The following FAT1 variants were observed in gnomAD, a reference collection of about 807,000 sequenced individuals.
FAT1 encodes FAT atypical cadherin 1, also known as protocadherin Fat 1.
In FAT1, 171 loss-of-function variants were observed where a neutral mutation model predicts 329.8. That is an observed-to-expected ratio of 0.52 (90% CI 0.46 to 0.59). FAT1 has a LOEUF of 0.59. FAT1 is among the 20% of genes least tolerant of loss of function. The pLI is 0.00. For synonymous variants in FAT1, 2,233 were observed against 2,228.6 expected (o/e 1.00, Z -0.06); for missense variants, 5,672 against 5,774.4 (o/e 0.98, Z 0.57).
rs1738082875 is a variant in FAT1, at chr4:186,588,783, G to A, written c.13576C>T (p.His4526Tyr). 1.2e-6 allele frequency: 2 copies of A among 1,614,062 alleles called. No homozygotes were observed. The highest frequency in any genetic ancestry group is 1.3e-5 in the African/African-American group (1 of 75,058). ...HAPYPPGYQRHFEAPAVESMP... is the reference protein window; with the variant it reads ...HAPYPPGYQRYFEAPAVESMP... ...CTCTCGACAGCGGGCGCCTCGAAGT[G>A]TCTTTGATACCCTGGCGGGTAAGGG... Residue 4526 changes from histidine (H) to tyrosine (Y), a missense_variant, in exon 27 of 27, where the codon CAC (histidine) becomes TAC (tyrosine). Physicochemically the swap from His to Tyr is moderately conservative, Grantham distance 83. Transcript: ENST00000441802.
intron 2 of FAT1, among the ~76,000 whole-genome samples, chr4:186,694,354 A>G (rs975486157): frequency 6.6e-5 from 10 of 152,224 alleles, no homozygotes; most frequent in Non-Finnish European, 8.8e-5. Context: ...CATCCTAAAG[A>G]GTTACTTTTA....
upstream of FAT1, among the ~76,000 whole-genome samples, chr4:186,724,101 G>C (rs1472488259): frequency 2.7e-5 from 4 of 147,976 alleles, no homozygotes; most frequent in African/African-American, 7.6e-5. This position sits in a 1 kb window ranked among gnomAD's most constrained non-coding sequence, Gnocchi z 5.3. Context: ...TTGTGATGCC[G>C]AGGTTAGTTA....
Position 186,601,296 on chromosome 4 carries a change from A to C in FAT1, c.11613T>G (p.Ala3871=), listed in dbSNP as rs757101754. The C allele has an allele frequency of 7.5e-6, 12 of 1,607,924 alleles. No individual in the cohort carries two copies. In the Admixed American group the frequency reaches 2.0e-4, roughly 27 times the overall value. ...CCAAGATGCTATAGTCAGTTCCTCGAGCATACATGACAACCGCATGCGTGG... is the reference window on the plus strand; with the variant it reads ...CCAAGATGCTATAGTCAGTTCCTCGCGCATACATGACAACCGCATGCGTGG... The part of the protein sequence containing the change: ...TYSTHAVVMY[A]RGTDYSILEI... The change falls in exon 21 of 27, where the codon GCT becomes GCG. Residue 3871 remains alanine (A), a synonymous_variant. Coordinates refer to ENST00000441802, the MANE Select transcript of FAT1 (RefSeq NM_005245.4).
chr4:186,666,339 G>A (rs528611456), intron 2 of FAT1, among the ~76,000 whole-genome samples: 128 of 152,272 alleles, frequency 8.4e-4, no homozygotes, highest in African/African-American at 3.0e-3. Context: ...CAACTGGTCT[G>A]CTAAATTAGC....
At chr4:186,638,442 G>C (rs1468675494) in intron 4 of FAT1, among the ~76,000 whole-genome samples, 1 of 152,048 alleles carries the variant, frequency 6.6e-6, no homozygotes, top group East Asian at 1.9e-4. Context: ...GTCAATCCTT[G>C]TAGTGACAGA....
Position 186,621,479 on chromosome 4 carries a change from C to G in FAT1, c.5107G>C (p.Asp1703His). Residue 1703 changes from aspartate (D) to histidine (H), a missense_variant, in exon 10 of 27, where the codon GAT (aspartate) becomes CAT (histidine). Physicochemically the swap from Asp to His is moderately conservative, Grantham distance 81. Around this residue, in one of 2 missense-constraint regions of FAT1, gnomAD observed 3,966 missense variants for 3,915.2 expected, o/e 1.01. Coordinates refer to ENST00000441802, the MANE Select transcript of FAT1 (RefSeq NM_005245.4). Reference sequence around the variant, plus strand: ...TCAAAAGCATCACCTGTATTTCCATCTTTTATTTCATACACCACTGATGAT... The same window carrying G: ...TCAAAAGCATCACCTGTATTTCCATGTTTTATTTCATACACCACTGATGAT... ...SQSSVVYEIK[D>H]GNTGDAFDIN... 6.2e-7 allele frequency: 1 copy of G among 1,614,040 alleles called. No individual in the cohort carries two copies. Among genetic ancestry groups the G allele is most frequent in the Non-Finnish European group, 8.5e-7 (1 of 1,179,902 alleles).
At position 186,709,089 on chromosome 4, in the gene FAT1, T is replaced by C. The variant is rs776171024; in HGVS notation, c.739A>G (p.Ile247Val). The change falls in exon 2 of 27, where the codon ATC (isoleucine) becomes GTC (valine). Residue 247 changes from isoleucine (I) to valine (V), a missense_variant. This residue lies in a region of FAT1 where 3,966 missense variants were observed against 3,915.2 expected (regional missense o/e 1.01). Coordinates refer to ENST00000441802, the MANE Select transcript of FAT1 (RefSeq NM_005245.4). ...ISSMAKLTVH[I>V]EQANECAPVI... ...GGAGCACATTCATTGGCCTGTTCGA[T>C]GTGCACCGTTAGCTTGGCCATGCTG... 3.1e-6 allele frequency: 5 copies of C among 1,613,732 alleles called. No homozygotes were observed. The highest frequency in any genetic ancestry group is 1.6e-4 in the Middle Eastern group (1 of 6,084).
chr4:186,618,121 A>G lies in FAT1; in HGVS notation c.8465T>C (p.Leu2822Pro), dbSNP rs144689051. 305 of 1,614,026 alleles carry G rather than the reference A, an allele frequency of 1.9e-4. 1 individual carries two copies. The East Asian group carries it at 4.7e-3, about 25-fold the overall frequency. Residue 2822 changes from leucine to proline, a missense_variant, in exon 10 of 27, where the codon CTG (leucine) becomes CCG (proline). Transcript: ENST00000441802. Reference sequence around the variant, plus strand: ...CTGAATTACTCTACTTCCCCCTGGCAGGTTTTCAACAATGAATGCCTCATA... The same window carrying G: ...CTGAATTACTCTACTTCCCCCTGGCGGGTTTTCAACAATGAATGCCTCATA... Reference protein sequence around the residue: ...SPYEAFIVENLPGGSRVIQIR... With the variant: ...SPYEAFIVENPPGGSRVIQIR...
rs781166934 is a variant in FAT1 at position 186,618,105 on chromosome 4, T to C, written c.8481A>G (p.Arg2827=). ...CATCAGATGCCCTGATCTGAATTACTCTACTTCCCCCTGGCAGGTTTTCAA... is the reference window on the plus strand; with the variant it reads ...CATCAGATGCCCTGATCTGAATTACCCTACTTCCCCCTGGCAGGTTTTCAA... ...FIVENLPGGS[R]VIQIRASDAD... is the part of the protein sequence containing the mutation. Residue 2827 remains arginine (R), a synonymous_variant, in exon 10 of 27, where the codon AGA becomes AGG. Coordinates refer to ENST00000441802, the MANE Select transcript of FAT1 (RefSeq NM_005245.4). The C allele has an allele frequency of 6.2e-6, 10 of 1,613,908 alleles. No homozygotes were observed. The highest frequency in any genetic ancestry group is 8.5e-6 in the Non-Finnish European group (10 of 1,179,902).
chr4:186,588,679 C>G lies in FAT1; in HGVS notation c.13680G>C (p.Met4560Ile), dbSNP rs755283793. 1.2e-6 allele frequency: 2 copies of G among 1,614,002 alleles called. No homozygotes were observed. Among genetic ancestry groups the G allele is most frequent in the African/African-American group, 1.3e-5 (1 of 75,042 alleles). ...SACCEVESEVMMSDYESGDDG... is the reference protein window; with the variant it reads ...SACCEVESEVIMSDYESGDDG... ...CGTCCCCGCTCTCATAGTCACTCAT[C>G]ATGACCTCGGACTCCACTTCGCAGC... Residue 4560 changes from methionine (M) to isoleucine (I), a missense_variant, in exon 27 of 27, where the codon ATG becomes ATC. Transcript: ENST00000441802.
chr4:186,702,096 C>T (rs1056867440), intron 2 of FAT1, among the ~76,000 whole-genome samples: 3 of 151,696 alleles, frequency 2.0e-5, no homozygotes, highest in Non-Finnish European at 4.4e-5. Flanking sequence ...GTGACACAGA[C>T]ATGAGGCCAG....
At chr4:186,714,141 G>A (rs922629342) in intron 1 of FAT1, among the ~76,000 whole-genome samples, 2 of 152,240 alleles carry the variant, frequency 1.3e-5, no homozygotes, top group African/African-American at 4.8e-5. Flanking sequence ...CCTGTGGGCA[G>A]CCAGGGCAGA....
At chr4:186,686,133 C>A (rs1743448810) in intron 2 of FAT1, among the ~76,000 whole-genome samples, 1 of 152,082 alleles carries the variant, frequency 6.6e-6, no homozygotes, top group Non-Finnish European at 1.5e-5. Context: ...TTTCTTACTT[C>A]CAGATGATTA....
Position 186,588,793 on chromosome 4 carries a change from C to A in FAT1, c.13566G>T (p.Gly4522=). 6.2e-7 allele frequency: 1 copy of A among 1,613,978 alleles called. No individual in the cohort carries two copies. Among genetic ancestry groups the A allele is most frequent in the Non-Finnish European group, 8.5e-7 (1 of 1,179,886 alleles). The change falls in exon 27 of 27, where the codon GGG becomes GGT. Residue 4522 remains glycine, a synonymous_variant. Coordinates refer to ENST00000441802, the MANE Select transcript of FAT1 (RefSeq NM_005245.4). The stretch of plus-strand genomic sequence containing the variant: ...CGGGCGCCTCGAAGTGTCTTTGATA[C>A]CCTGGCGGGTAAGGGGCATGGGGTT... ...CREPHAPYPP[G]YQRHFEAPAV...
At chr4:186,701,690 T>C (rs973635003) in intron 2 of FAT1, among the ~76,000 whole-genome samples, 1 of 152,184 alleles carries the variant, frequency 6.6e-6, no homozygotes, top group Non-Finnish European at 1.5e-5. Flanking sequence ...TCCACATTCC[T>C]TCTCCTGTCA....
At chr4:186,718,523 C>T (rs570939251) in intron 1 of FAT1, among the ~76,000 whole-genome samples, 49 of 152,164 alleles carry the variant, frequency 3.2e-4, no homozygotes, top group African/African-American at 1.1e-3. Context: ...AAAAATTAGC[C>T]GGGCGTGGTG....
chr4:186,666,858 T>C (rs1742462935), intron 2 of FAT1, among the ~76,000 whole-genome samples: 15 of 152,222 alleles, frequency 9.9e-5, no homozygotes, highest in Admixed American at 9.8e-4. Flanking sequence ...ATGAGGCACT[T>C]TCCCAGGGCC....
At position 186,628,228 on chromosome 4, in the gene FAT1, G is replaced by A. The variant is rs1219739011; in HGVS notation, c.4736C>T (p.Ser1579Leu). The change falls in exon 9 of 27, where the codon TCA (serine) becomes TTA (leucine). Residue 1579 changes from serine (S) to leucine (L), a missense_variant. Transcript: ENST00000441802. ...GRVYESAAVG[S>L]VVLQVTALDK... ...CAGAGCCGTCACCTGCAACACAACT[G>A]AGCCAACGGCTGCCGATTCATAAAC... is the stretch of plus-strand genomic sequence containing the variant. 6.2e-7 allele frequency: 1 copy of A among 1,613,946 alleles called. No individual in the cohort carries two copies.
intron 13 of FAT1, 149 bp from the exon 14 acceptor site, chr4:186,611,924 A>C: frequency 1.7e-6 from 1 of 595,996 alleles, no homozygotes; most frequent in Non-Finnish European, 2.9e-6. Flanking sequence ...CCCAGGTTCA[A>C]GCAATTCTCC....
Sources: gnomAD v4.1 joint callset for allele counts (sites outside exome capture counted in the v4.1 genomes callset) on GRCh38, gnomAD v4.1.1 for gene constraint, gnomAD v4.1.1 regional missense constraint, Gnocchi (gnomAD v3.1) non-coding constraint, MANE v1.5 for transcripts, NCBI Gene and HGNC (gene_info 2026-07-23, HGNC 2026-07-21) for gene names.